IMMT: variants seen among roughly 807,000 people sequenced by gnomAD.
IMMT encodes MICOS complex subunit MIC60.
IMMT carries 40 observed loss-of-function variants against 92.7 expected under a neutral mutation model. That is an observed-to-expected ratio of 0.43 (90% CI 0.34 to 0.56). IMMT has a LOEUF of 0.56. IMMT is among the 20% of genes least tolerant of loss of function. The pLI, the probability that IMMT is intolerant of heterozygous loss-of-function variation, is 0.03. For missense variants in IMMT, 831 were observed against 912.1 expected (o/e 0.91, Z 1.14); for synonymous variants, 322 against 336.1 (o/e 0.96, Z 0.46).
intron 13 of IMMT, among the ~76,000 whole-genome samples, chr2:86,146,937 T>A (rs1470174989): frequency 6.6e-6 from 1 of 152,036 alleles, no homozygotes; most frequent in South Asian, 2.1e-4. Context: ...ATTTTTGTAT[T>A]TTTAATAGAG....
chr2:86,162,338 G>GTTTTTTTTTTTTTTTTTTTTTTT (rs1346343442), intron 7 of IMMT, among the ~76,000 whole-genome samples: 12 of 113,680 alleles, frequency 1.1e-4, no homozygotes, highest in African/African-American at 3.4e-4. Context: ...TCTAAGGAGA[G>GTTTTTTTTTTTTTTTTTTTTTTT]TTGTTTTTTT....
At chr2:86,165,526 A>G (rs1396799351) in intron 7 of IMMT, among the ~76,000 whole-genome samples, 1 of 152,200 alleles carries the variant, frequency 6.6e-6, no homozygotes, top group African/African-American at 2.4e-5. Context: ...AATTTTTTTT[A>G]AAACTACAAT....
intron 5 of IMMT, 92 bp from the exon 6 acceptor site, chr2:86,170,936 C>G: frequency 1.0e-6 from 1 of 959,224 alleles, no homozygotes; most frequent in Non-Finnish European, 1.6e-6. Flanking sequence ...TTGTACTGGC[C>G]AGTTATATCA....
chr2:86,154,425 C>T (rs1199407136), intron 10 of IMMT, among the ~76,000 whole-genome samples: 4 of 152,156 alleles, frequency 2.6e-5, no homozygotes, highest in African/African-American at 9.7e-5. Context: ...CCTGCCTCGG[C>T]CTCCCAAAGT....
intron 1 of IMMT, 71 bp downstream of exon 1, chr2:86,195,267 A>T: frequency 7.0e-7 from 1 of 1,435,126 alleles, no homozygotes; most frequent in East Asian, 2.7e-5. Context: ...GCAGCGACCA[A>T]GGCTCCCCCG....
Position 86,159,536 on chromosome 2 carries a change from C to T in IMMT, c.1032G>A (p.Lys344=). The change falls in exon 9 of 15, where the codon AAG becomes AAA. Residue 344 remains lysine (K), a splice_region_variant and synonymous_variant. Transcript: ENST00000410111. ...ATACTATAAGACTTAGGAAACATACCTTTTTGACCACATTATCCAGATCAA... is the reference window on the plus strand; with the variant it reads ...ATACTATAAGACTTAGGAAACATACTTTTTTGACCACATTATCCAGATCAA... ...MIVDLDNVVK[K]VQAAQSEAKV... 6.3e-7 allele frequency: 1 copy of T among 1,589,504 alleles called. No individual in the cohort carries two copies. The highest frequency in any genetic ancestry group is 8.6e-7 in the Non-Finnish European group (1 of 1,163,694).
At chr2:86,157,874 A>T (rs575058466) in intron 10 of IMMT, among the ~76,000 whole-genome samples, 1 of 151,816 alleles carries the variant, frequency 6.6e-6, no homozygotes, top group Non-Finnish European at 1.5e-5. Flanking sequence ...GCTATTTGGG[A>T]AGCTGAGGCA....
intron 1 of IMMT, among the ~76,000 whole-genome samples, chr2:86,191,392 T>C (rs918239466): frequency 3.3e-5 from 5 of 151,234 alleles, no homozygotes; most frequent in Non-Finnish European, 5.9e-5. Flanking sequence ...TGGGCTTCAT[T>C]CAATCAGTTG....
rs192094215 is a variant in IMMT, at chr2:86,187,582, G to A, written c.46-6210C>T. Among the ~76,000 whole-genome samples, 437 of 152,162 alleles carry A rather than the reference G, an allele frequency of 2.9e-3. 2 individuals are homozygous for A. Among genetic ancestry groups the A allele is most frequent in the African/African-American group, 9.6e-3 (400 of 41,522 alleles). On this transcript the variant is annotated intron_variant, in intron 1 of 14. Transcript: ENST00000410111. ...ACCTGTTTTTTATTCTTTTGGCAGGGAACTTCAAGGTCATATGGTAATTCT... is the reference window on the plus strand; with the variant it reads ...ACCTGTTTTTTATTCTTTTGGCAGGAAACTTCAAGGTCATATGGTAATTCT...
chr2:86,187,320 T>C (rs1672841977), intron 1 of IMMT, among the ~76,000 whole-genome samples: 1 of 152,254 alleles, frequency 6.6e-6, no homozygotes, highest in Non-Finnish European at 1.5e-5. Flanking sequence ...CATCTTTTTG[T>C]CCAGCTTCTT....
At chr2:86,183,410 T>A (rs2105477321) in intron 1 of IMMT, among the ~76,000 whole-genome samples, 1 of 152,324 alleles carries the variant, frequency 6.6e-6, no homozygotes, top group Non-Finnish European at 1.5e-5. Context: ...CCCAAAGTGT[T>A]GGAATTACAG....
At chr2:86,178,635 A>AG (rs1228955662) in intron 3 of IMMT, among the ~76,000 whole-genome samples, 3 of 152,142 alleles carry the variant, frequency 2.0e-5, no homozygotes, top group African/African-American at 7.2e-5. Flanking sequence ...TGGAAAAAAA[A>AG]AAAGAAAACT....
At chr2:86,154,787 G>A (rs759779283) in intron 10 of IMMT, among the ~76,000 whole-genome samples, 10 of 152,116 alleles carry the variant, frequency 6.6e-5, no homozygotes, top group Admixed American at 2.0e-4. Context: ...TACCCAGTGT[G>A]AACACGTGAC....
Position 86,144,847 on chromosome 2 carries a change from G to A in IMMT, c.1698C>T (p.Ala566=). ...CCTCCACTGAAAGCCAGAGTTGGTG[G>A]GCTTTTCTGGCTTCCTCTTCAGCAA... ...HAVAEEEARK[A]HQLWLSVEAL... is the part of the protein sequence containing the mutation. The change falls in exon 15 of 15, where the codon GCC becomes GCT. Residue 566 remains alanine (A), a synonymous_variant. Coordinates refer to ENST00000410111, the MANE Select transcript of IMMT (RefSeq NM_006839.3). 4 of 1,606,064 alleles carry A rather than the reference G, an allele frequency of 2.5e-6. No homozygotes were observed. Among genetic ancestry groups the A allele is most frequent in the Non-Finnish European group, 3.4e-6 (4 of 1,176,676 alleles).
intron 10 of IMMT, among the ~76,000 whole-genome samples, chr2:86,155,383 GT>G (rs1204182334): frequency 1.4e-3 from 2 of 1,424 alleles, no homozygotes; most frequent in Non-Finnish European, 1.1e-3. Flanking sequence ...GCAGAGAATA[GT>G]GCTAGTGGGG....
chr2:86,155,063 A>G (rs1195751056), intron 10 of IMMT, among the ~76,000 whole-genome samples: 1 of 152,118 alleles, frequency 6.6e-6, no homozygotes, highest in Non-Finnish European at 1.5e-5. Context: ...GGGTTTCACC[A>G]TATCGGCCAG....
intron 6 of IMMT, among the ~76,000 whole-genome samples, chr2:86,169,596 C>T (rs2278083): frequency 0.46 from 69,853 of 151,926 alleles, 16,610 homozygotes; most frequent in Non-Finnish European, 0.51. Context: ...CTACATCCCA[C>T]GACCTCCAGA....
At chr2:86,188,658 T>A (rs996294398) in intron 1 of IMMT, among the ~76,000 whole-genome samples, 1 of 152,200 alleles carries the variant, frequency 6.6e-6, no homozygotes, top group Non-Finnish European at 1.5e-5. Flanking sequence ...ACTCCTGCGC[T>A]CAAGCGTTCT....
At chr2:86,151,631 CTT>C in intron 11 of IMMT, 111 bp from the exon 12 acceptor site, 2 of 763,006 alleles carry the variant, frequency 2.6e-6, no homozygotes, top group Non-Finnish European at 4.3e-6. Flanking sequence ...GAAAGTAAAA[CTT>C]AGCTAACATG....
Sources: allele counts gnomAD v4.1 joint callset (sites outside exome capture counted in the v4.1 genomes callset), GRCh38; gene constraint gnomAD v4.1.1; transcripts MANE v1.5; gene names NCBI Gene and HGNC (gene_info 2026-07-23, HGNC 2026-07-21).